Variants in LUZP2 observed in about 807,000 individuals in gnomAD.
LUZP2 encodes leucine zipper protein 2.
Under a neutral mutation model 51.6 loss-of-function variants are expected in LUZP2, and 52 were observed. The observed-to-expected ratio is 1.01, with a 90% confidence interval of 0.81 to 1.27. LUZP2 has a LOEUF of 1.27. Among genes scored for constraint, LUZP2 ranks in the 50% most tolerant of loss-of-function variants. The pLI is 0.00. For missense variants in LUZP2, 436 were observed against 395.4 expected, an observed-to-expected ratio of 1.10 and a Z score of -0.87; for synonymous variants, 154 against 137.3, an observed-to-expected ratio of 1.12 and a Z score of -0.85.
intron 5 of LUZP2, among the ~76,000 whole-genome samples, chr11:24,772,728 T>A (rs968096929): frequency 2.6e-5 from 4 of 152,174 alleles, no homozygotes; most frequent in African/African-American, 9.7e-5. Context: ...GGATCCACAG[T>A]GTCAACAGGG....
intron 1 of LUZP2, among the ~76,000 whole-genome samples, chr11:24,645,757 T>G (rs1398416033): frequency 2.0e-5 from 3 of 152,122 alleles, no homozygotes; most frequent in Non-Finnish European, 2.9e-5. Flanking sequence ...ATTATGGTAT[T>G]ACAGTTACAT....
chr11:24,929,276 T>G (rs557282260), intron 7 of LUZP2, among the ~76,000 whole-genome samples: 158 of 152,240 alleles, frequency 1.0e-3, no homozygotes, highest in African/African-American at 3.7e-3. Flanking sequence ...TTTGATTTGT[T>G]CTTGTTTCTC....
At chr11:24,934,568 TC>T (rs1854540091) in intron 7 of LUZP2, among the ~76,000 whole-genome samples, 1 of 152,268 alleles carries the variant, frequency 6.6e-6, no homozygotes, top group South Asian at 2.1e-4. Context: ...TTTAAATTTT[TC>T]CATTCTCACC....
intron 7 of LUZP2, among the ~76,000 whole-genome samples, chr11:24,959,900 CTCT>C (rs1279147274): frequency 1.3e-5 from 2 of 152,212 alleles, no homozygotes; most frequent in African/African-American, 4.8e-5. Context: ...TCATAGATAG[CTCT>C]TATTATTTTG....
chr11:24,841,320 C>T (rs1025027700), intron 5 of LUZP2, among the ~76,000 whole-genome samples: 11 of 152,040 alleles, frequency 7.2e-5, no homozygotes, highest in African/African-American at 2.7e-4. Flanking sequence ...TCTTTCTAGA[C>T]AGTGATCTGT....
chr11:25,041,274 T>C (rs1218089360), intron 9 of LUZP2, among the ~76,000 whole-genome samples: 2 of 152,144 alleles, frequency 1.3e-5, no homozygotes, highest in East Asian at 3.9e-4. Context: ...TTAGGCACAG[T>C]AAGATATTAA....
chr11:25,012,273 A>G (rs1481638029), intron 9 of LUZP2, among the ~76,000 whole-genome samples: 1 of 152,148 alleles, frequency 6.6e-6, no homozygotes, highest in Non-Finnish European at 1.5e-5. Flanking sequence ...AGTATAAATA[A>G]TCAAGATGCT....
chr11:24,696,009 G>A (rs184081331), intron 1 of LUZP2, among the ~76,000 whole-genome samples: 1 of 152,182 alleles, frequency 6.6e-6, no homozygotes, highest in East Asian at 1.9e-4. Flanking sequence ...ATATGTGTGG[G>A]TTCAACAGAA....
chr11:24,952,849 A>C (rs540296295), intron 7 of LUZP2, among the ~76,000 whole-genome samples: 1 of 152,014 alleles, frequency 6.6e-6, no homozygotes, highest in South Asian at 2.1e-4. Context: ...ACCTCATGTT[A>C]TGTACAATTA....
At chr11:24,983,743 G>C (rs1265035258) in intron 9 of LUZP2, among the ~76,000 whole-genome samples, 1 of 150,150 alleles carries the variant, frequency 6.7e-6, no homozygotes, top group Admixed American at 6.7e-5. Flanking sequence ...ATTTTTAAAA[G>C]TGTGTTTAGG....
intron 1 of LUZP2, among the ~76,000 whole-genome samples, chr11:24,717,486 C>A (rs748683652): frequency 7.3e-5 from 11 of 150,694 alleles, no homozygotes; most frequent in Non-Finnish European, 1.2e-4. Flanking sequence ...CGGCTCACTG[C>A]AAGCTCCGAC....
chr11:25,045,541 A>AT (rs1858279995), intron 9 of LUZP2, among the ~76,000 whole-genome samples: 1 of 152,148 alleles, frequency 6.6e-6, no homozygotes, highest in South Asian at 2.1e-4. Flanking sequence ...TTTTCAGTAT[A>AT]TTCTTTGCCT....
intron 1 of LUZP2, among the ~76,000 whole-genome samples, chr11:24,663,325 C>G (rs987734528): frequency 6.6e-6 from 1 of 152,056 alleles, no homozygotes; most frequent in Non-Finnish European, 1.5e-5. Flanking sequence ...CTCTCTTTCT[C>G]CTGCTCCATC....
intron 1 of LUZP2, among the ~76,000 whole-genome samples, chr11:24,508,263 A>G (rs1049572195): frequency 2.0e-5 from 3 of 152,080 alleles, no homozygotes; most frequent in Admixed American, 6.6e-5. Context: ...ATGGCCTTAA[A>G]TTTTTGTGTT....
At chr11:24,877,480 T>C (rs1262533497) in intron 5 of LUZP2, among the ~76,000 whole-genome samples, 1 of 152,122 alleles carries the variant, frequency 6.6e-6, no homozygotes, top group African/African-American at 2.4e-5. Context: ...ATAGTAAGTA[T>C]ATATATTTGT....
intron 5 of LUZP2, among the ~76,000 whole-genome samples, chr11:24,826,148 C>T (rs1263199744): frequency 3.1e-5 from 4 of 127,620 alleles, no homozygotes; most frequent in African/African-American, 8.9e-5. Context: ...TGCACTCCAG[C>T]CTAGGCGACA....
chr11:24,530,686 T>C (rs1413663444), intron 1 of LUZP2, among the ~76,000 whole-genome samples: 1 of 149,908 alleles, frequency 6.7e-6, no homozygotes, highest in African/African-American at 2.4e-5. Context: ...ACATTTTGCC[T>C]TTTTATTTTC....
At chr11:24,700,861 AT>A (rs147026185) in intron 1 of LUZP2, among the ~76,000 whole-genome samples, 1,668 of 152,242 alleles carry the variant, frequency 0.011, 17 homozygotes, top group South Asian at 0.039. Flanking sequence ...TATATATATG[AT>A]GAATGTAAGG....
intron 5 of LUZP2, among the ~76,000 whole-genome samples, chr11:24,874,976 C>T (rs1472320106): frequency 6.6e-6 from 1 of 152,112 alleles, no homozygotes; most frequent in Non-Finnish European, 1.5e-5. Context: ...AAATATTTCC[C>T]AGCATCCTTT....
Sources: gnomAD v4.1 joint callset for allele counts (sites outside exome capture counted in the v4.1 genomes callset) on GRCh38, gnomAD v4.1.1 for gene constraint, MANE v1.5 for transcripts, NCBI Gene and HGNC (gene_info 2026-07-23, HGNC 2026-07-21) for gene names.